VPS13A: variants seen among roughly 807,000 people sequenced by gnomAD.
The protein encoded by VPS13A is intermembrane lipid transfer protein VPS13A.
In VPS13A, 264 loss-of-function variants were observed where a neutral mutation model predicts 390.9. The observed-to-expected ratio is 0.68, with a 90% confidence interval of 0.61 to 0.75. The LOEUF (loss-of-function observed/expected upper bound fraction) is 0.75, where lower values mean the gene tolerates loss of function less well. Among genes scored for constraint, VPS13A ranks in the 30% least tolerant of loss-of-function variants. The probability of loss-of-function intolerance (pLI) is 0.00; values close to 1 mark genes in which losing one functional copy is unlikely to be tolerated. For missense variants in VPS13A, 3,409 were observed against 3,733.9 expected (o/e 0.91, Z 2.27); for synonymous variants, 1,231 against 1,227.1 (o/e 1.00, Z -0.07).
intron 33 of VPS13A, among the ~76,000 whole-genome samples, chr9:77,300,804 T>C (rs1828299377): frequency 6.6e-6 from 1 of 152,232 alleles, no homozygotes; most frequent in Admixed American, 6.5e-5. Flanking sequence ...AAAATAGGAA[T>C]TCATGTTTGT....
intron 23 of VPS13A, among the ~76,000 whole-genome samples, chr9:77,262,534 T>C (rs1350355880): frequency 6.6e-6 from 1 of 152,116 alleles, no homozygotes; most frequent in East Asian, 1.9e-4. Flanking sequence ...GCTGCACCCA[T>C]CAACCCGTCA....
intron 41 of VPS13A, 47 bp downstream of exon 41, chr9:77,318,638 A>G (rs1206928104): frequency 2.6e-5 from 36 of 1,373,482 alleles, no homozygotes; most frequent in Non-Finnish European, 3.7e-5. Context: ...TACGTATGGA[A>G]TATTATGACA....
intron 3 of VPS13A, among the ~76,000 whole-genome samples, chr9:77,202,346 G>A (rs1335516440): frequency 6.6e-6 from 1 of 151,838 alleles, no homozygotes; most frequent in East Asian, 1.9e-4. Context: ...TCATATTTCT[G>A]ATTATTTACA....
chr9:77,245,203 A>G (rs184347147), intron 19 of VPS13A, among the ~76,000 whole-genome samples: 1 of 152,312 alleles, frequency 6.6e-6, no homozygotes, highest in African/African-American at 2.4e-5. Context: ...ACTTAGAGAA[A>G]TCATTGTGTC....
chr9:77,180,898 G>C (rs1451694386), intron 1 of VPS13A, among the ~76,000 whole-genome samples: 2 of 152,048 alleles, frequency 1.3e-5, no homozygotes. Context: ...AAAATAACAA[G>C]TCATTGTCCA....
intron 47 of VPS13A, chr9:77,338,723 C>T (rs1830661077): frequency 6.6e-6 from 1 of 152,034 alleles, no homozygotes; most frequent in Non-Finnish European, 1.5e-5. Flanking sequence ...GAAGAGATTC[C>T]TATATTATAA....
chr9:77,210,020 A>G (rs1317293510), intron 6 of VPS13A, among the ~76,000 whole-genome samples: 1 of 152,180 alleles, frequency 6.6e-6, no homozygotes, highest in Non-Finnish European at 1.5e-5. Flanking sequence ...ACACGAATAC[A>G]TTAATAATTA....
At chr9:77,203,437 G>A (rs1006702973) in intron 3 of VPS13A, among the ~76,000 whole-genome samples, 1 of 152,152 alleles carries the variant, frequency 6.6e-6, no homozygotes, top group Non-Finnish European at 1.5e-5. Flanking sequence ...ACAGGTGTAC[G>A]CCGCCATGCC....
chr9:77,262,486 A>G (rs1178881603), intron 23 of VPS13A, among the ~76,000 whole-genome samples: 2 of 152,102 alleles, frequency 1.3e-5, no homozygotes, highest in Non-Finnish European at 2.9e-5. Flanking sequence ...CAGAACATGC[A>G]GGTTTGTTAC....
chr9:77,390,524 G>T (rs1275070194), intron 68 of VPS13A, among the ~76,000 whole-genome samples: 2 of 152,108 alleles, frequency 1.3e-5, no homozygotes, highest in East Asian at 3.9e-4. Context: ...TTTAGAATAA[G>T]ATTTTGAAAT....
chr9:77,367,011 C>A, intron 61 of VPS13A, 139 bp downstream of exon 61: 2 of 743,776 alleles, frequency 2.7e-6, no homozygotes, highest in Non-Finnish European at 4.3e-6. Flanking sequence ...AAGTGAAGTG[C>A]AATCTGAATA....
chr9:77,179,775 A>AACC (rs149899149), intron 1 of VPS13A, among the ~76,000 whole-genome samples: 1 of 151,004 alleles, frequency 6.6e-6, no homozygotes. Context: ...GTATAGTCAC[A>AACC]AAATTGTACA....
At chr9:77,285,225 C>G (rs1587494065) in intron 31 of VPS13A, among the ~76,000 whole-genome samples, 1 of 152,070 alleles carries the variant, frequency 6.6e-6, no homozygotes, top group African/African-American at 2.4e-5. Context: ...CTTATGAAAT[C>G]AGACCTGATT....
intron 60 of VPS13A, among the ~76,000 whole-genome samples, 185 bp from the exon 61 acceptor site, chr9:77,366,542 T>G (rs1832440457): frequency 6.6e-6 from 1 of 152,130 alleles, no homozygotes; most frequent in Non-Finnish European, 1.5e-5. Flanking sequence ...GAATTGAAGA[T>G]TTAAATAGAG....
rs1173209861 is a variant in VPS13A, at chr9:77,186,731, C to T, written c.100+8927C>T. On this transcript the variant is annotated intron_variant, in intron 1 of 71. Transcript: ENST00000360280. ...GATTACAGGTGTGACCCACCACACC[C>T]GGCCTATCTTAACCATTTTAAGTGT... is the stretch of plus-strand genomic sequence containing the variant. 7.9e-5 allele frequency among the ~76,000 whole-genome samples: 12 copies of T among 152,202 alleles called. No homozygotes were observed. The South Asian group carries it at 1.7e-3, about 21-fold the overall frequency.
chr9:77,190,537 G>C (rs1161138076), intron 1 of VPS13A, among the ~76,000 whole-genome samples: 1 of 152,088 alleles, frequency 6.6e-6, no homozygotes, highest in Non-Finnish European at 1.5e-5. Context: ...GAAGTTTCCT[G>C]TTTTTGTTAT....
intron 19 of VPS13A, among the ~76,000 whole-genome samples, chr9:77,241,987 C>A (rs1305076037): frequency 6.6e-6 from 1 of 152,108 alleles, no homozygotes; most frequent in African/African-American, 2.4e-5. Flanking sequence ...GAGGAGAACT[C>A]TTGCAAGACT....
intron 45 of VPS13A, among the ~76,000 whole-genome samples, chr9:77,326,683 A>G (rs1458604113): frequency 2.0e-5 from 3 of 152,120 alleles, no homozygotes; most frequent in Non-Finnish European, 2.9e-5. Context: ...TACCAATTCT[A>G]TTACATGTCA....
chr9:77,286,268 G>T (rs1827316282), intron 31 of VPS13A, among the ~76,000 whole-genome samples: 5 of 152,142 alleles, frequency 3.3e-5, no homozygotes, highest in Admixed American at 3.3e-4. Flanking sequence ...CAGGCATGTT[G>T]GTCAGATGGG....
Sources: gnomAD v4.1 joint callset for allele counts (sites outside exome capture counted in the v4.1 genomes callset) on GRCh38, gnomAD v4.1.1 for gene constraint, MANE v1.5 for transcripts, NCBI Gene and HGNC (gene_info 2026-07-23, HGNC 2026-07-21) for gene names.